DLGAP1: variants seen among roughly 807,000 people sequenced by gnomAD.
DLGAP1 encodes DLG associated protein 1.
DLGAP1 carries 11 observed loss-of-function variants against 90.8 expected under a neutral mutation model. That is an observed-to-expected ratio of 0.12 (90% CI 0.08 to 0.20). The LOEUF (loss-of-function observed/expected upper bound fraction) is 0.20, where lower values mean the gene tolerates loss of function less well. Ranked by LOEUF, DLGAP1 falls within the 10% of genes least tolerant of loss-of-function variation. DLGAP1 has a pLI of 1.00. For missense variants in DLGAP1, 1,050 were observed against 1,333.8 expected, an observed-to-expected ratio of 0.79 and a Z score of 3.31; for synonymous variants, 558 against 540.7, an observed-to-expected ratio of 1.03 and a Z score of -0.44.
chr18:3,805,849 A>G (rs2066535807), intron 5 of DLGAP1, among the ~76,000 whole-genome samples: 1 of 152,226 alleles, frequency 6.6e-6, no homozygotes, highest in Non-Finnish European at 1.5e-5. Flanking sequence ...CAATTTCCAA[A>G]TTAATTGATG....
chr18:3,902,032 C>T (rs886967993), intron 3 of DLGAP1, among the ~76,000 whole-genome samples: 9 of 152,198 alleles, frequency 5.9e-5, no homozygotes, highest in Non-Finnish European at 1.2e-4. Context: ...TCCCACTTCC[C>T]AGCACAGTAG....
At chr18:4,388,348 T>C (rs2082276823) in intron 1 of DLGAP1, among the ~76,000 whole-genome samples, 1 of 152,058 alleles carries the variant, frequency 6.6e-6, no homozygotes. Flanking sequence ...TTTGCACATG[T>C]GCCTGTGGCA....
At chr18:3,804,652 G>A (rs1342053980) in intron 5 of DLGAP1, among the ~76,000 whole-genome samples, 1 of 152,194 alleles carries the variant, frequency 6.6e-6, no homozygotes, top group Non-Finnish European at 1.5e-5. Context: ...AAAGGATGCT[G>A]GGCAGATGTT....
At chr18:4,053,518 A>G (rs2075167029) in intron 2 of DLGAP1, among the ~76,000 whole-genome samples, 1 of 152,242 alleles carries the variant, frequency 6.6e-6, no homozygotes, top group Non-Finnish European at 1.5e-5. Context: ...GCCAAAGAGT[A>G]TCACTATATG....
chr18:3,771,912 T>C lies in DLGAP1; in HGVS notation c.1173-29400A>G, dbSNP rs73940223. 1.6e-3 allele frequency among the ~76,000 whole-genome samples: 242 copies of C among 152,158 alleles called. 2 individuals are homozygous for C. Among genetic ancestry groups the C allele is most frequent in the African/African-American group, 5.6e-3 (233 of 41,528 alleles). ...ATAAATTTCTAACGCTGAAAGAACATTCTCTCCTCTCCCGGTCCCTTCTGA... is the reference window on the plus strand; with the variant it reads ...ATAAATTTCTAACGCTGAAAGAACACTCTCTCCTCTCCCGGTCCCTTCTGA... On this transcript the variant is annotated intron_variant, in intron 5 of 12. Transcript: ENST00000315677.
At chr18:3,818,700 C>T (rs2067235126) in intron 4 of DLGAP1, among the ~76,000 whole-genome samples, 3 of 151,460 alleles carry the variant, frequency 2.0e-5, no homozygotes, top group Admixed American at 1.3e-4. Context: ...CTCCTGGGTT[C>T]AAGAGATTCT....
intron 4 of DLGAP1, among the ~76,000 whole-genome samples, chr18:3,822,498 C>T (rs1473542751): frequency 6.6e-6 from 1 of 152,166 alleles, no homozygotes; most frequent in Non-Finnish European, 1.5e-5. Flanking sequence ...TCTGGTGAAT[C>T]TGGAGGGTGG....
chr18:4,262,317 C>T (rs897020907), intron 1 of DLGAP1, among the ~76,000 whole-genome samples: 3 of 151,988 alleles, frequency 2.0e-5, no homozygotes, highest in Non-Finnish European at 4.4e-5. Context: ...CCGGGCAGTC[C>T]CTGTGTAGGT....
intron 7 of DLGAP1, among the ~76,000 whole-genome samples, chr18:3,664,595 A>G (rs574795795): frequency 6.6e-6 from 1 of 152,250 alleles, no homozygotes; most frequent in Admixed American, 6.5e-5. Context: ...TTCTCAGGGA[A>G]GTTCTCCCTG....
At chr18:3,578,977 A>G (rs1022846638) in intron 8 of DLGAP1, among the ~76,000 whole-genome samples, 7 of 152,172 alleles carry the variant, frequency 4.6e-5, no homozygotes, top group Middle Eastern at 3.2e-3. Context: ...ATAATGTCTC[A>G]AGTAAAAACT....
At chr18:4,092,442 C>G (rs1012228194) in intron 2 of DLGAP1, among the ~76,000 whole-genome samples, 3 of 152,204 alleles carry the variant, frequency 2.0e-5, no homozygotes, top group Non-Finnish European at 4.4e-5. Context: ...TTCTGCCTTG[C>G]ATCTGGTAGA....
chr18:3,874,616 TGAG>T, intron 4 of DLGAP1: 1 of 1,534,562 alleles, frequency 6.5e-7, no homozygotes, highest in Non-Finnish European at 8.7e-7. Context: ...GCACTTACCC[TGAG>T]ATGTGCCATA....
intron 3 of DLGAP1, among the ~76,000 whole-genome samples, chr18:3,938,628 T>C (rs937062800): frequency 1.3e-5 from 2 of 152,194 alleles, no homozygotes; most frequent in Admixed American, 1.3e-4. Context: ...AGATAGATGG[T>C]ATTTGCTCAG....
At chr18:3,537,137 C>T (rs2144557035) in intron 9 of DLGAP1, among the ~76,000 whole-genome samples, 1 of 152,060 alleles carries the variant, frequency 6.6e-6, no homozygotes, top group South Asian at 2.1e-4. Flanking sequence ...ATTAAATGTA[C>T]AGTTCAATGG....
intron 3 of DLGAP1, among the ~76,000 whole-genome samples, chr18:3,882,322 A>G (rs372035568): frequency 1.2e-4 from 18 of 151,958 alleles, no homozygotes; most frequent in African/African-American, 3.6e-4. Flanking sequence ...GAATCGCTTG[A>G]ACCCAGGAGT....
At chr18:3,953,476 C>T (rs538567054) in intron 3 of DLGAP1, among the ~76,000 whole-genome samples, 26 of 152,116 alleles carry the variant, frequency 1.7e-4, no homozygotes, top group Admixed American at 3.3e-4. Flanking sequence ...AGGATAATGG[C>T]CCCCAGCTCC....
At chr18:4,297,536 A>G (rs1046017719) in intron 1 of DLGAP1, among the ~76,000 whole-genome samples, 2 of 152,200 alleles carry the variant, frequency 1.3e-5, no homozygotes, top group Non-Finnish European at 2.9e-5. Flanking sequence ...TTATTTTATT[A>G]TCCTTGGTTA....
chr18:4,379,897 G>A (rs772236483), intron 1 of DLGAP1, among the ~76,000 whole-genome samples: 18 of 152,136 alleles, frequency 1.2e-4, no homozygotes, highest in Non-Finnish European at 1.9e-4. Flanking sequence ...GATGTTTTGT[G>A]CTAGAAAATT....
At chr18:3,943,066 A>G (rs2148951528) in intron 3 of DLGAP1, among the ~76,000 whole-genome samples, 1 of 152,222 alleles carries the variant, frequency 6.6e-6, no homozygotes, top group Middle Eastern at 3.4e-3. Context: ...TTTCAGAGAA[A>G]ATTGGTTACC....
Sources: allele counts gnomAD v4.1 joint callset (sites outside exome capture counted in the v4.1 genomes callset), GRCh38; gene constraint gnomAD v4.1.1; transcripts MANE v1.5; gene names NCBI Gene and HGNC (gene_info 2026-07-23, HGNC 2026-07-21).